Variants in XPNPEP2 observed in about 807,000 individuals in gnomAD.
XPNPEP2 encodes the protein X-prolyl aminopeptidase 2.
XPNPEP2 carries 64 observed loss-of-function variants against 59.8 expected under a neutral mutation model. The ratio of observed to expected loss-of-function variants is 1.07; its 90% confidence interval spans 0.87 to 1.32. The LOEUF (loss-of-function observed/expected upper bound fraction) is 1.32. XPNPEP2 is among the 40% of genes most tolerant of loss of function. XPNPEP2 has a pLI of 0.00. For missense variants in XPNPEP2, 575 were observed against 546.8 expected, an observed-to-expected ratio of 1.05 and a Z score of -0.51; for synonymous variants, 235 against 210.0, an observed-to-expected ratio of 1.12 and a Z score of -1.03.
Position 129,750,580 on chromosome X carries a change from A to G in XPNPEP2, c.739+11A>G, listed in dbSNP as rs753594680. ...TTGAGGAGACGGCCTGTGAGTGTGG[A>G]TTTGCAGACATGGGTGGGCGCCTGG... On this transcript the variant is annotated intron_variant, in intron 8 of 20. Coordinates refer to ENST00000371106, the MANE Select transcript of XPNPEP2 (RefSeq NM_003399.6). 6 of 1,164,880 alleles carry G rather than the reference A, an allele frequency of 5.2e-6. No individual in the cohort carries two copies. The highest frequency in any genetic ancestry group is 6.9e-6 in the Non-Finnish European group (6 of 870,771).
chrX:129,752,073 A>C, intron 9 of XPNPEP2, 77 bp from the exon 10 acceptor site: 3 of 1,115,314 alleles, frequency 2.7e-6, no homozygotes. Context: ...CCAGGAACAG[A>C]GGGACTGTGA....
At chrX:129,743,819 C>T (rs1926243263) in intron 2 of XPNPEP2, 142 bp from the exon 3 acceptor site, 2 of 523,850 alleles carry the variant, frequency 3.8e-6, no homozygotes, top group Non-Finnish European at 6.5e-6. Context: ...CCTTCCCAAG[C>T]CAGGCCAGCC....
intron 1 of XPNPEP2, among the ~76,000 whole-genome samples, chrX:129,741,304 G>C (rs1245533511): frequency 8.9e-6 from 1 of 111,888 alleles, no homozygotes; most frequent in Non-Finnish European, 1.9e-5. Flanking sequence ...CAGAGTGGGA[G>C]GACTGAAAGT....
intron 2 of XPNPEP2, 32 bp downstream of exon 2, chrX:129,742,213 C>T (rs1431626047): frequency 1.2e-6 from 1 of 830,863 alleles, no homozygotes; most frequent in Non-Finnish European, 1.6e-6. Context: ...CGCACGGCCC[C>T]CCTGGCCCCA....
intron 14 of XPNPEP2, among the ~76,000 whole-genome samples, chrX:129,758,032 G>A (rs767202712): frequency 1.8e-5 from 2 of 111,444 alleles, no homozygotes; most frequent in South Asian, 3.8e-4. Flanking sequence ...GCTGAGCTGA[G>A]CTGACCTGAA....
rs780603350 is a variant in XPNPEP2 at position 129,769,403 on chromosome X, T to A, written c.*918T>A. On this transcript the variant is annotated 3_prime_UTR_variant, in exon 21 of 21. Transcript: ENST00000371106. ...TTTCACCCTTCAGCAACATGCAGAG[T>A]CCCTGAGCCCACCTCCCAGCCCTCT... 14 of 111,679 alleles carry A rather than the reference T, an allele frequency of 1.3e-4. No homozygotes were observed. Among genetic ancestry groups the A allele is most frequent in the African/African-American group, 4.6e-4 (14 of 30,671 alleles). The allele number at this position is 111,679 out of a possible 1,213,427, so 9.2% of individuals were successfully genotyped here.
chrX:129,743,033 C>T (rs933032812), intron 2 of XPNPEP2, among the ~76,000 whole-genome samples: 1 of 111,940 alleles, frequency 8.9e-6, no homozygotes, highest in African/African-American at 3.3e-5. Context: ...AGCTGGAGAC[C>T]AGAGTGATTC....
rs894236183 is a variant in XPNPEP2 at position 129,753,239 on chromosome X, G to C, written c.1098G>C (p.Lys366Asn). ...ACAGCAAGGAGCAGGCCCTCCTCAA[G>C]GCCAGCCACGTAAGTCCACGTTCAG... Reference protein sequence around the residue: ...VKNSKEQALLKASHVRDAVAV... With the variant: ...VKNSKEQALLNASHVRDAVAV... The change falls in exon 11 of 21, where the codon AAG becomes AAC. Residue 366 changes from lysine to asparagine, a missense_variant. By Grantham distance (94) the Lys-to-Asn change is moderately conservative. Coordinates refer to ENST00000371106, the MANE Select transcript of XPNPEP2 (RefSeq NM_003399.6). 4 of 1,211,094 alleles carry C rather than the reference G, an allele frequency of 3.3e-6. No homozygotes were observed. The highest frequency in any genetic ancestry group is 4.5e-6 in the Non-Finnish European group (4 of 894,736).
intron 10 of XPNPEP2, 38 bp from the exon 11 acceptor site, chrX:129,753,121 G>A: frequency 8.7e-7 from 1 of 1,150,208 alleles, no homozygotes; most frequent in East Asian, 3.0e-5. Flanking sequence ...CCAGACCTGT[G>A]CCCCCAGACC....
At chrX:129,760,300 G>A (rs763292160) in intron 15 of XPNPEP2, among the ~76,000 whole-genome samples, 15 of 112,817 alleles carry the variant, frequency 1.3e-4, no homozygotes, top group African/African-American at 2.6e-4. Flanking sequence ...AGGGAAGCAC[G>A]TGATGGAGCC....
chrX:129,750,646 G>A (rs1312346586), intron 8 of XPNPEP2, 77 bp downstream of exon 8: 7 of 838,756 alleles, frequency 8.3e-6, no homozygotes, highest in Non-Finnish European at 1.2e-5. Flanking sequence ...CTGCAGCACA[G>A]AGCTAGCTCT....
intron 8 of XPNPEP2, among the ~76,000 whole-genome samples, chrX:129,750,906 TCA>T (rs1569476422): frequency 9.0e-6 from 1 of 111,506 alleles, no homozygotes; most frequent in Non-Finnish European, 1.9e-5. Context: ...CCCAGGGCAC[TCA>T]CACTCCCAGC....
At chrX:129,761,299 C>A in intron 17 of XPNPEP2, 23 bp downstream of exon 17, 6 of 1,127,051 alleles carry the variant, frequency 5.3e-6, no homozygotes, top group Non-Finnish European at 7.3e-6. Context: ...TCAGCACTCC[C>A]CAGGCCACCC....
Position 129,752,338 on chromosome X carries a change from T to C in XPNPEP2, c.1010T>C (p.Ile337Thr). ...SYTMYGIYEM[I>T]PKEKLVTDTY... Reference sequence around the variant, plus strand: ...ACCATGTATGGGATCTATGAAATGATACCCAAGGTGGGTTTGCCAGGCCCC... The same window carrying C: ...ACCATGTATGGGATCTATGAAATGACACCCAAGGTGGGTTTGCCAGGCCCC... The change falls in exon 10 of 21, where the codon ATA becomes ACA. Residue 337 changes from isoleucine (I) to threonine (T), a missense_variant. Coordinates refer to ENST00000371106, the MANE Select transcript of XPNPEP2 (RefSeq NM_003399.6). 8.3e-7 allele frequency: 1 copy of C among 1,210,595 alleles called. No homozygotes were observed. Among genetic ancestry groups the C allele is most frequent in the Non-Finnish European group, 1.1e-6 (1 of 894,716 alleles).
intron 19 of XPNPEP2, 102 bp from the exon 20 acceptor site, chrX:129,767,501 C>A: frequency 1.2e-6 from 1 of 850,503 alleles, no homozygotes; most frequent in Non-Finnish European, 1.7e-6. Flanking sequence ...TGAGGCCCAG[C>A]TCCTTGTGTC....
chrX:129,752,186 C>T lies in XPNPEP2; in HGVS notation c.858C>T (p.Thr286=). 8.3e-7 allele frequency: 1 copy of T among 1,211,746 alleles called. No individual in the cohort carries two copies. The highest frequency in any genetic ancestry group is 1.1e-6 in the Non-Finnish European group (1 of 895,536). The part of the protein sequence containing the change: ...FANKSRFSSE[T]LSYLNSSCTG... ...ACAAGAGTCGCTTTAGCTCCGAAAC[C>T]TTGAGCTATCTGAACTCCAGTTGCA... Residue 286 remains threonine (T), a synonymous_variant, in exon 10 of 21, where the codon ACC becomes ACT. Coordinates refer to ENST00000371106, the MANE Select transcript of XPNPEP2 (RefSeq NM_003399.6).
rs1569476018 is a variant in XPNPEP2 at position 129,747,613 on chromosome X, G to A, written c.497G>A (p.Trp166Ter). 1.7e-6 allele frequency: 2 copies of A among 1,211,590 alleles called. No individual in the cohort carries two copies. Among genetic ancestry groups the A allele is most frequent in the African/African-American group, 3.5e-5 (2 of 57,904 alleles). ...FDPFLLSIDT[W>*]ESYDLALQGS... ...CTCCTTCTTGTCTCTGCAGACACCT[G>A]GGAGAGTTATGATCTGGCCCTCCAA... is the stretch of plus-strand genomic sequence containing the variant. The change falls in exon 7 of 21, where the codon TGG becomes TAG. Residue 166 changes from tryptophan (W) to a stop codon, truncating the protein, a stop_gained. Coordinates refer to ENST00000371106, the MANE Select transcript of XPNPEP2 (RefSeq NM_003399.6). LOFTEE classifies it high-confidence loss of function.
intron 1 of XPNPEP2, among the ~76,000 whole-genome samples, chrX:129,740,381 C>T (rs1926149895): frequency 8.9e-6 from 1 of 112,475 alleles, no homozygotes; most frequent in Admixed American, 9.4e-5. Context: ...AATCCCAGCT[C>T]TTTGGGAGGC....
chrX:129,742,138 A>C lies in XPNPEP2; in HGVS notation c.80A>C (p.Asp27Ala), dbSNP rs772460095. The change falls in exon 2 of 21, where the codon GAC (aspartate) becomes GCC (alanine). Residue 27 changes from aspartate (D) to alanine (A), a missense_variant. Asp to Ala is a moderately radical substitution (Grantham distance 126). Transcript: ENST00000371106. ...GCCTGGGGCCACACAAAGCCAGTGG[A>C]CCTTGGAGGGCAGGATGTGAGAAAC... ...ACAWGHTKPVDLGGQDVRNCS... is the reference protein window; with the variant it reads ...ACAWGHTKPVALGGQDVRNCS... 5.0e-6 allele frequency: 6 copies of C among 1,207,237 alleles called. No individual in the cohort carries two copies. The Admixed American group carries it at 1.1e-4, about 22-fold the overall frequency.
Sources: gnomAD v4.1 joint callset for allele counts (sites outside exome capture counted in the v4.1 genomes callset) on GRCh38, gnomAD v4.1.1 for gene constraint, MANE v1.5 for transcripts, NCBI Gene and HGNC (gene_info 2026-07-23, HGNC 2026-07-21) for gene names.